The following DLGAP2 variants were observed in gnomAD, a reference collection of about 807,000 sequenced individuals.
DLGAP2 encodes DLG associated protein 2.
DLGAP2 carries 26 observed loss-of-function variants against 100.3 expected under a neutral mutation model. That is an observed-to-expected ratio of 0.26 (90% confidence interval 0.19 to 0.36). The LOEUF (loss-of-function observed/expected upper bound fraction) is 0.36. Ranked by LOEUF, DLGAP2 falls within the 10% of genes least tolerant of loss-of-function variation. DLGAP2 has a pLI of 1.00. For missense variants in DLGAP2, 1,858 were observed against 1,453.2 expected, an observed-to-expected ratio of 1.28 and a Z score of -4.53; for synonymous variants, 886 against 630.1, an observed-to-expected ratio of 1.41 and a Z score of -6.08.
chr8:1,342,505 T>C (rs1047055516), intron 3 of DLGAP2, among the ~76,000 whole-genome samples: 7 of 97,924 alleles, frequency 7.1e-5, no homozygotes, highest in East Asian at 3.1e-4. Context: ...AAGTAGTTAA[T>C]AGTTTGGGTT....
chr8:1,027,114 C>T (rs892650859), intron 2 of DLGAP2, among the ~76,000 whole-genome samples: 5 of 151,500 alleles, frequency 3.3e-5, no homozygotes, highest in African/African-American at 9.7e-5. Flanking sequence ...TTTTTTTTTA[C>T]GTAAATTGTT....
chr8:1,154,628 T>G (rs1585106764), intron 2 of DLGAP2, among the ~76,000 whole-genome samples: 2 of 9,940 alleles, frequency 2.0e-4, no homozygotes, highest in Non-Finnish European at 9.2e-4. Context: ...TAACCATCCA[T>G]TAAAAACCCC....
intron 2 of DLGAP2, among the ~76,000 whole-genome samples, chr8:1,005,138 G>A (rs1801069722): frequency 6.6e-6 from 1 of 152,210 alleles, no homozygotes; most frequent in African/African-American, 2.4e-5. Flanking sequence ...TGTCACTGGT[G>A]CATCTATGTG....
At chr8:1,194,227 A>C (rs558753533) in intron 2 of DLGAP2, among the ~76,000 whole-genome samples, 36 of 152,216 alleles carry the variant, frequency 2.4e-4, no homozygotes, top group African/African-American at 8.7e-4. Flanking sequence ...CCGACTCAGG[A>C]GGAGCTCAGC....
At chr8:1,252,128 C>G (rs111731504) in intron 2 of DLGAP2, among the ~76,000 whole-genome samples, 6 of 150,080 alleles carry the variant, frequency 4.0e-5, no homozygotes, top group African/African-American at 1.5e-4. Flanking sequence ...TCATGTCACA[C>G]TTGCCACACT....
At chr8:1,387,915 G>T (rs921752413) in intron 3 of DLGAP2, among the ~76,000 whole-genome samples, 1 of 152,226 alleles carries the variant, frequency 6.6e-6, no homozygotes, top group African/African-American at 2.4e-5. Context: ...TCACCTGGGG[G>T]TCTGGAGCCC....
At chr8:756,787 T>C (rs1820931894) in intron 1 of DLGAP2, among the ~76,000 whole-genome samples, 1 of 152,186 alleles carries the variant, frequency 6.6e-6, no homozygotes, top group Non-Finnish European at 1.5e-5. Context: ...GAACGTTCTT[T>C]TAGCAGATCT....
chr8:1,284,132 A>C (rs1023650955), intron 3 of DLGAP2, among the ~76,000 whole-genome samples: 37 of 152,206 alleles, frequency 2.4e-4, no homozygotes, highest in African/African-American at 8.4e-4. Context: ...ACCTCAGAGC[A>C]TTGTGACTGC....
intron 4 of DLGAP2, among the ~76,000 whole-genome samples, chr8:1,504,680 A>G (rs1799843802): frequency 6.6e-6 from 1 of 152,158 alleles, no homozygotes; most frequent in African/African-American, 2.4e-5. Context: ...ACTTAGCATG[A>G]TGTCCTCCAG....
chr8:811,363 C>T (rs1796366851), intron 1 of DLGAP2, among the ~76,000 whole-genome samples: 1 of 149,994 alleles, frequency 6.7e-6, no homozygotes, highest in Non-Finnish European at 1.5e-5. Context: ...CTCCCATCAA[C>T]CTTGGAATGA....
At chr8:1,599,225 G>A (rs532104487) in intron 6 of DLGAP2, among the ~76,000 whole-genome samples, 5 of 151,820 alleles carry the variant, frequency 3.3e-5, no homozygotes, top group South Asian at 2.1e-4. Flanking sequence ...CACTGTGGTC[G>A]GAGAGACTGT....
chr8:995,171 C>T (rs750741326), intron 2 of DLGAP2, among the ~76,000 whole-genome samples: 1 of 152,108 alleles, frequency 6.6e-6, no homozygotes, highest in Non-Finnish European at 1.5e-5. Context: ...CATTTTTTCA[C>T]ATTATACTGT....
At chr8:1,307,949 T>C (rs1423876313) in intron 3 of DLGAP2, among the ~76,000 whole-genome samples, 1 of 151,804 alleles carries the variant, frequency 6.6e-6, no homozygotes, top group East Asian at 1.9e-4. Context: ...AATGGCACAA[T>C]GGTGTGAATG....
intron 2 of DLGAP2, among the ~76,000 whole-genome samples, chr8:908,402 A>T (rs1472659558): frequency 1.3e-5 from 2 of 152,194 alleles, no homozygotes; most frequent in Non-Finnish European, 2.9e-5. Flanking sequence ...AATCGGCTAG[A>T]TGTTATGTTC....
chr8:1,300,212 T>C (rs1183769770), intron 3 of DLGAP2: 4 of 152,176 alleles, frequency 2.6e-5, no homozygotes, highest in Non-Finnish European at 5.9e-5. Flanking sequence ...CGTGTGTGTC[T>C]GTGTGCAAAG....
intron 1 of DLGAP2, among the ~76,000 whole-genome samples, chr8:803,789 T>A (rs1796215766): frequency 6.6e-6 from 1 of 152,214 alleles, no homozygotes; most frequent in Non-Finnish European, 1.5e-5. Flanking sequence ...GTGATACTTA[T>A]GCTAAAATCA....
At chr8:1,032,060 C>T (rs979131501) in intron 2 of DLGAP2, among the ~76,000 whole-genome samples, 4 of 152,354 alleles carry the variant, frequency 2.6e-5, no homozygotes, top group Middle Eastern at 6.8e-3. Context: ...GCTTATGATT[C>T]AAGGAGCATT....
intron 1 of DLGAP2, among the ~76,000 whole-genome samples, chr8:807,149 T>G (rs1036843687): frequency 6.6e-6 from 1 of 152,204 alleles, no homozygotes; most frequent in Non-Finnish European, 1.5e-5. Flanking sequence ...AGTGGGCTGG[T>G]GGCACGACAT....
intron 2 of DLGAP2, among the ~76,000 whole-genome samples, chr8:1,193,992 G>C (rs952668628): frequency 2.6e-5 from 4 of 152,184 alleles, no homozygotes; most frequent in African/African-American, 7.2e-5. Context: ...AGTATCTGAA[G>C]CCTCAGGTGA....
Sources: allele counts gnomAD v4.1 joint callset (sites outside exome capture counted in the v4.1 genomes callset), GRCh38; gene constraint gnomAD v4.1.1; transcripts MANE v1.5; gene names NCBI Gene and HGNC (gene_info 2026-07-23, HGNC 2026-07-21).